The following EPS15 variants were observed in gnomAD, a reference collection of about 807,000 sequenced individuals.
The protein encoded by EPS15 is epidermal growth factor receptor substrate 15.
EPS15 carries 72 observed loss-of-function variants against 113.8 expected under a neutral mutation model. The observed-to-expected ratio is 0.63, with a 90% CI of 0.52 to 0.77. EPS15 has a LOEUF of 0.77. Among genes scored for constraint, EPS15 ranks in the 30% least tolerant of loss-of-function variants. The pLI, the probability that EPS15 is intolerant of heterozygous loss-of-function variation, is 0.00. For missense variants in EPS15, 1,048 were observed against 1,045.8 expected, an observed-to-expected ratio of 1.00 and a Z score of -0.03; for synonymous variants, 344 against 363.4, an observed-to-expected ratio of 0.95 and a Z score of 0.61.
intron 12 of EPS15, among the ~76,000 whole-genome samples, chr1:51,429,285 T>C (rs1304663966): frequency 6.6e-6 from 1 of 151,984 alleles, no homozygotes; most frequent in Non-Finnish European, 1.5e-5. Flanking sequence ...ACAATTACTG[T>C]GAATGTATTT....
chr1:51,384,341 C>T (rs943476131), intron 21 of EPS15, among the ~76,000 whole-genome samples: 7 of 137,358 alleles, frequency 5.1e-5, no homozygotes, highest in African/African-American at 1.9e-4. Flanking sequence ...GGTTCTGTCA[C>T]CCAGGCTACA....
chr1:51,402,936 G>T (rs1255371130), intron 17 of EPS15, among the ~76,000 whole-genome samples: 1 of 152,110 alleles, frequency 6.6e-6, no homozygotes, highest in Non-Finnish European at 1.5e-5. Flanking sequence ...TGATGGTAAT[G>T]TAACAAATAT....
At chr1:51,393,540 A>G (rs1488658586) in intron 21 of EPS15, among the ~76,000 whole-genome samples, 1 of 152,192 alleles carries the variant, frequency 6.6e-6, no homozygotes, top group South Asian at 2.1e-4. Context: ...TTCTATGTTC[A>G]TAATCCTTAA....
At chr1:51,486,922 G>A (rs566766005) in intron 1 of EPS15, among the ~76,000 whole-genome samples, 1 of 151,964 alleles carries the variant, frequency 6.6e-6, no homozygotes, top group Non-Finnish European at 1.5e-5. Flanking sequence ...CATCTGCCTC[G>A]GCCTCCGAAA....
At chr1:51,358,757 G>A (rs1570065277) in intron 24 of EPS15, among the ~76,000 whole-genome samples, 1 of 124,812 alleles carries the variant, frequency 8.0e-6, no homozygotes, top group South Asian at 2.6e-4. Flanking sequence ...AACTCAGCTT[G>A]AGGACAGTGG....
chr1:51,402,428 T>C lies in EPS15; in HGVS notation c.1882+7A>G. 3 of 1,458,808 alleles carry C rather than the reference T, an allele frequency of 2.1e-6. No homozygotes were observed. Among genetic ancestry groups the C allele is most frequent in the South Asian group, 1.3e-5 (1 of 79,642 alleles). 90.4% of individuals were successfully genotyped at this position (1,458,808 alleles called of 1,614,324 possible). A position where few individuals can be genotyped will look rare whatever the true frequency, so the allele number is the denominator to read the frequency against. On this transcript the variant is annotated splice_region_variant and intron_variant, in intron 18 of 24. Coordinates refer to ENST00000371733, the MANE Select transcript of EPS15 (RefSeq NM_001981.3). ...TAAATCTATAATATAAAAAAAAGAG[T>C]ACTTACTGCCAACAAAAGGATCAGA...
intron 24 of EPS15, 29 bp downstream of exon 24, chr1:51,361,142 C>T: frequency 6.4e-7 from 1 of 1,553,188 alleles, no homozygotes; most frequent in South Asian, 1.2e-5. Context: ...AAAGATTTCT[C>T]CCCCAAACAG....
chr1:51,423,275 T>C, intron 12 of EPS15: 1 of 1,288,230 alleles, frequency 7.8e-7, no homozygotes, highest in Non-Finnish European at 1.0e-6. Context: ...ACCATGAGAA[T>C]CATTGTTGCA....
In EPS15 at chr1:51,390,179, A is replaced by T. The variant is rs569075332; in HGVS notation, c.2119+4202T>A. On this transcript the variant is annotated intron_variant, in intron 21 of 24. Transcript: ENST00000371733. ...AACGCCGCATATCTACAACTATCTG[A>T]TCTTTGACAAACCTGAGAAAAACAA... Among the ~76,000 whole-genome samples, 258 of 152,272 alleles carry T rather than the reference A, an allele frequency of 1.7e-3. 2 individuals carry two copies. Among genetic ancestry groups the T allele is most frequent in the African/African-American group, 5.9e-3 (247 of 41,542 alleles).
At chr1:51,513,703 AAATG>A (rs762740851) in intron 1 of EPS15, among the ~76,000 whole-genome samples, 32 of 152,216 alleles carry the variant, frequency 2.1e-4, no homozygotes, top group Non-Finnish European at 3.7e-4. Flanking sequence ...CTCCAATTTG[AAATG>A]ATGATAATAA....
chr1:51,357,426 ATTTTT>A (rs570842498), intron 24 of EPS15, among the ~76,000 whole-genome samples: 10 of 53,538 alleles, frequency 1.9e-4, no homozygotes, highest in East Asian at 1.6e-3. Context: ...ATATATATAT[ATTTTT>A]TTTTTTTAAA....
chr1:51,358,832 T>C (rs1040704923), intron 24 of EPS15, among the ~76,000 whole-genome samples: 2 of 149,138 alleles, frequency 1.3e-5, no homozygotes, highest in Admixed American at 6.7e-5. Context: ...TCAGCCTCCC[T>C]AGCTGGGATT....
At chr1:51,398,333 G>A (rs1182040664) in intron 20 of EPS15, among the ~76,000 whole-genome samples, 2 of 152,118 alleles carry the variant, frequency 1.3e-5, no homozygotes, top group Admixed American at 6.5e-5. Flanking sequence ...GATTACAGGC[G>A]TGAGCCACCG....
chr1:51,515,446 T>G lies in EPS15; in HGVS notation c.33+3753A>C, dbSNP rs1313640836. Among the ~76,000 whole-genome samples the G allele has an allele frequency of 2.0e-5, 3 of 150,844 alleles. No homozygotes were observed. In the East Asian group the frequency reaches 5.9e-4, roughly 29 times the overall value. ...CTGATCATGCCACTGTACTCCAACATGGGTGACAGAGTGTGATCCTGTCTC... is the reference window on the plus strand; with the variant it reads ...CTGATCATGCCACTGTACTCCAACAGGGGTGACAGAGTGTGATCCTGTCTC... On this transcript the variant is annotated intron_variant, in intron 1 of 24. Coordinates refer to ENST00000371733, the MANE Select transcript of EPS15 (RefSeq NM_001981.3).
At chr1:51,500,650 C>A (rs1364160829) in intron 1 of EPS15, among the ~76,000 whole-genome samples, 1 of 152,054 alleles carries the variant, frequency 6.6e-6, no homozygotes, top group Non-Finnish European at 1.5e-5. Flanking sequence ...CAAGTAGCTG[C>A]ACCTAAAGGT....
chr1:51,468,205 C>G (rs1222569503), intron 5 of EPS15, among the ~76,000 whole-genome samples: 2 of 152,102 alleles, frequency 1.3e-5, no homozygotes, highest in African/African-American at 4.8e-5. Context: ...AATGATCCTC[C>G]CACTTCTGCC....
intron 8 of EPS15, among the ~76,000 whole-genome samples, chr1:51,451,490 CA>C (rs56091976): frequency 0.085 from 4,280 of 50,612 alleles, 44 homozygotes; most frequent in African/African-American, 0.16. Context: ...GACTCCATCT[CA>C]AAAAAAAAAA....
intron 20 of EPS15, 113 bp downstream of exon 20, chr1:51,398,919 G>T: frequency 1.1e-6 from 1 of 889,810 alleles, no homozygotes; most frequent in Non-Finnish European, 1.7e-6. Flanking sequence ...ATTCTTATAT[G>T]GTCCATTAGA....
At chr1:51,452,173 C>T (rs920912776) in intron 8 of EPS15, among the ~76,000 whole-genome samples, 1 of 152,038 alleles carries the variant, frequency 6.6e-6, no homozygotes, top group Non-Finnish European at 1.5e-5. Flanking sequence ...GTGTGAGCCA[C>T]TGAGCCCAGT....
Sources: gnomAD v4.1 joint callset for allele counts (sites outside exome capture counted in the v4.1 genomes callset) on GRCh38, gnomAD v4.1.1 for gene constraint, MANE v1.5 for transcripts, NCBI Gene and HGNC (gene_info 2026-07-23, HGNC 2026-07-21) for gene names.